OR13J1: variants seen among roughly 807,000 people sequenced by gnomAD.
OR13J1 encodes the protein olfactory receptor 13J1.
OR13J1 carries 6 observed loss-of-function variants against 6.4 expected under a neutral mutation model. The ratio of observed to expected loss-of-function variants is 0.93; its 90% confidence interval spans 0.51 to 1.84. The LOEUF is 1.84. Ranked by LOEUF, OR13J1 falls within the 40% of genes most tolerant of loss-of-function variation. The pLI, the probability that OR13J1 is intolerant of heterozygous loss-of-function variation, is 0.01. For missense variants in OR13J1, 382 were observed against 395.6 expected (o/e 0.97, Z 0.29); for synonymous variants, 175 against 182.4 (o/e 0.96, Z 0.33).
chr9:35,869,716 G>C lies in OR13J1; in HGVS notation c.686C>G (p.Pro229Arg), dbSNP rs756076483. 2.1e-5 allele frequency: 34 copies of C among 1,613,464 alleles called. No homozygotes were observed. In the East Asian group the frequency reaches 7.6e-4, roughly 36 times the overall value. ...GGCTTTGCAGCACCTGGCGGCCGAG[G>C]GCACCCTCAGGATGGTGGCCAGGAT... ...LLILATILRV[P>R]SAARCCKAFS... is the part of the protein sequence containing the mutation. The change falls in exon 1 of 1, where the codon CCC becomes CGC. Residue 229 changes from proline to arginine, a missense_variant. Pro to Arg is a moderately radical substitution (Grantham distance 103, BLOSUM62 -2). Transcript: ENST00000377981.
Position 35,869,827 on chromosome 9 carries a change from G to T in OR13J1, c.575C>A (p.Thr192Lys). ...LAVLKLACGN[T>K]SVSEDFLLAG... is the part of the protein sequence containing the mutation. ...CAGCAGGAAGTCTTCGCTGACCGAC[G>T]TGTTGCCGCATGCCAGCTTCAGCAC... The change falls in exon 1 of 1, where the codon ACG (threonine) becomes AAG (lysine). Residue 192 changes from threonine to lysine, a missense_variant. By Grantham distance (78) the Thr-to-Lys change is moderately conservative. Coordinates refer to ENST00000377981, the MANE Select transcript of OR13J1 (RefSeq NM_001004487.1). 1 of 1,614,072 alleles carries T rather than the reference G, an allele frequency of 6.2e-7. No individual in the cohort carries two copies. Among genetic ancestry groups the T allele is most frequent in the Non-Finnish European group, 8.5e-7 (1 of 1,180,036 alleles).
At position 35,869,857 on chromosome 9, in the gene OR13J1, A is replaced by G; in HGVS notation, c.545T>C (p.Leu182Pro). 6.2e-7 allele frequency: 1 copy of G among 1,614,196 alleles called. No individual in the cohort carries two copies. Among genetic ancestry groups the G allele is most frequent in the Non-Finnish European group, 8.5e-7 (1 of 1,180,042 alleles). Residue 182 changes from leucine (L) to proline (P), a missense_variant, in exon 1 of 1, where the codon CTG (leucine) becomes CCG (proline). Leu to Pro is a moderately conservative substitution (Grantham distance 98). Coordinates refer to ENST00000377981, the MANE Select transcript of OR13J1 (RefSeq NM_001004487.1). The stretch of plus-strand genomic sequence containing the variant: ...GCCGCATGCCAGCTTCAGCACTGCC[A>G]GGATCTTGCAGGTGAAGTGACTGAC... Reference protein sequence around the residue: ...HVVSHFTCKILAVLKLACGNT... With the variant: ...HVVSHFTCKIPAVLKLACGNT...
chr9:35,869,734 G>A lies in OR13J1; in HGVS notation c.668C>T (p.Ala223Val), dbSNP rs1157005429. 3.7e-6 allele frequency: 6 copies of A among 1,613,374 alleles called. No homozygotes were observed. Among genetic ancestry groups the A allele is most frequent in the Middle Eastern group, 1.6e-4 (1 of 6,062 alleles). Residue 223 changes from alanine (A) to valine (V), a missense_variant, in exon 1 of 1, where the codon GCC becomes GTC. Coordinates refer to ENST00000377981, the MANE Select transcript of OR13J1 (RefSeq NM_001004487.1). ...FICLSYLLIL[A>V]TILRVPSAAR... Reference sequence around the variant, plus strand: ...GGCCGAGGGCACCCTCAGGATGGTGGCCAGGATGAGCAAGTAGGACAGGCA... The same window carrying A: ...GGCCGAGGGCACCCTCAGGATGGTGACCAGGATGAGCAAGTAGGACAGGCA...
At position 35,869,878 on chromosome 9, in the gene OR13J1, C is replaced by T. The variant is rs770608355; in HGVS notation, c.524G>A (p.Ser175Asn). The change falls in exon 1 of 1, where the codon AGT (serine) becomes AAT (asparagine). Residue 175 changes from serine to asparagine, a missense_variant. Physicochemically the swap from Ser to Asn is conservative, Grantham distance 46 (BLOSUM62 1). Transcript: ENST00000377981. ...RLPFCGHHVVSHFTCKILAVL... is the reference protein window; with the variant it reads ...RLPFCGHHVVNHFTCKILAVL... ...TGCCAGGATCTTGCAGGTGAAGTGACTGACCACGTGGTGGCCACAGAAGGG... is the reference window on the plus strand; with the variant it reads ...TGCCAGGATCTTGCAGGTGAAGTGATTGACCACGTGGTGGCCACAGAAGGG... 6 of 1,614,190 alleles carry T rather than the reference C, an allele frequency of 3.7e-6. No homozygotes were observed. The highest frequency in any genetic ancestry group is 4.2e-6 in the Non-Finnish European group (5 of 1,180,038).
rs1224949208 is a variant in OR13J1 at position 35,870,319 on chromosome 9, A to T, written c.83T>A (p.Phe28Tyr). Residue 28 changes from phenylalanine to tyrosine, a missense_variant, in exon 1 of 1, where the codon TTC becomes TAC. By Grantham distance (22) the Phe-to-Tyr change is conservative (BLOSUM62 3). Coordinates refer to ENST00000377981, the MANE Select transcript of OR13J1 (RefSeq NM_001004487.1). ...SGYPALEHLL[F>Y]PLCSAMYLVT... ...CAGGTACATGGCTGAGCACAGAGGG[A>T]AGAGCAGATGCTCCAGGGCTGGGTA... The T allele has an allele frequency of 3.1e-6, 5 of 1,613,894 alleles. No individual in the cohort carries two copies. The highest frequency in any genetic ancestry group is 4.2e-6 in the Non-Finnish European group (5 of 1,179,778).
In OR13J1 at chr9:35,870,017, G is replaced by T; in HGVS notation, c.385C>A (p.Pro129Thr). 2 of 1,614,240 alleles carry T rather than the reference G, an allele frequency of 1.2e-6. No individual in the cohort carries two copies. Among genetic ancestry groups the T allele is most frequent in the Non-Finnish European group, 1.7e-6 (2 of 1,180,036 alleles). The change falls in exon 1 of 1, where the codon CCA (proline) becomes ACA (threonine). Residue 129 changes from proline (P) to threonine (T), a missense_variant. Pro to Thr is a conservative substitution (Grantham distance 38, BLOSUM62 -1). Transcript: ENST00000377981. ...CTCATGAGCACGTGGTACCTGAGTGGCTGGCAGATGGCCAGGTAGCGGTCA... is the reference window on the plus strand; with the variant it reads ...CTCATGAGCACGTGGTACCTGAGTGTCTGGCAGATGGCCAGGTAGCGGTCA... ...AYDRYLAICQ[P>T]LRYHVLMSHR... is the part of the protein sequence containing the mutation.
Position 35,869,969 on chromosome 9 carries a change from TCAG to T in OR13J1, c.430_432del (p.Leu144del). The T allele has an allele frequency of 6.2e-7, 1 of 1,614,168 alleles. No homozygotes were observed. Among genetic ancestry groups the T allele is most frequent in the Non-Finnish European group, 8.5e-7 (1 of 1,180,028 alleles). On this transcript the variant is annotated inframe_deletion, in exon 1 of 1. Coordinates refer to ENST00000377981, the MANE Select transcript of OR13J1 (RefSeq NM_001004487.1). The stretch of plus-strand genomic sequence containing the variant: ...AGGCAGAGGACCCAGGCAGCTCCCA[TCAG>T]CAGCACGCAGAGCCGGTGGCTCATG...
In OR13J1 at chr9:35,869,820, G is replaced by A. The variant is rs1219279230; in HGVS notation, c.582C>T (p.Val194=). The A allele has an allele frequency of 6.2e-7, 1 of 1,614,058 alleles. No individual in the cohort carries two copies. The highest frequency in any genetic ancestry group is 1.7e-5 in the Admixed American group (1 of 60,020). Reference sequence around the variant, plus strand: ...AGCCCGCCAGCAGGAAGTCTTCGCTGACCGACGTGTTGCCGCATGCCAGCT... The same window carrying A: ...AGCCCGCCAGCAGGAAGTCTTCGCTAACCGACGTGTTGCCGCATGCCAGCT... ...VLKLACGNTS[V]SEDFLLAGSI... is the part of the protein sequence containing the mutation. Residue 194 remains valine, a synonymous_variant, in exon 1 of 1, where the codon GTC becomes GTT. Coordinates refer to ENST00000377981, the MANE Select transcript of OR13J1 (RefSeq NM_001004487.1).
rs745655521 is a variant in OR13J1 at position 35,869,752 on chromosome 9, GACAGGCAGATGAATGCCAGGGGT to G, written c.627_649del (p.Pro210LeufsTer48). The G allele has an allele frequency of 2.5e-6, 4 of 1,613,644 alleles. No homozygotes were observed. Among genetic ancestry groups the G allele is most frequent in the Admixed American group, 3.3e-5 (2 of 60,012 alleles). ...GATGGTGGCCAGGATGAGCAAGTAG[GACAGGCAGATGAATGCCAGGGGT>G]ACAGGCAGCAGCAGGATGGAGCCCG... On this transcript the variant is annotated frameshift_variant, in exon 1 of 1. Transcript: ENST00000377981. LOFTEE classifies it high-confidence loss of function.
Position 35,869,528 on chromosome 9 carries a change from G to T in OR13J1, c.874C>A (p.Leu292Met). Reference sequence around the variant, plus strand: ...GCCTCCTTCACCTCCTTGTTCCTCAGGCTGTAGATGGTGGGGTTCAGCATG... The same window carrying T: ...GCCTCCTTCACCTCCTTGTTCCTCATGCTGTAGATGGTGGGGTTCAGCATG... ...TTMLNPTIYSLRNKEVKEAAR... is the reference protein window; with the variant it reads ...TTMLNPTIYSMRNKEVKEAAR... The change falls in exon 1 of 1, where the codon CTG becomes ATG. Residue 292 changes from leucine to methionine, a missense_variant. Leu to Met is a conservative substitution (Grantham distance 15). Coordinates refer to ENST00000377981, the MANE Select transcript of OR13J1 (RefSeq NM_001004487.1). 1 of 1,614,114 alleles carries T rather than the reference G, an allele frequency of 6.2e-7. No individual in the cohort carries two copies. Among genetic ancestry groups the T allele is most frequent in the South Asian group, 1.1e-5 (1 of 91,086 alleles).
rs749229415 is a variant in OR13J1 at position 35,869,947 on chromosome 9, CA to C, written c.454del (p.Cys152AlafsTer6). 2.4e-5 allele frequency: 38 copies of C among 1,614,118 alleles called. No homozygotes were observed. The highest frequency in any genetic ancestry group is 1.6e-4 in the Middle Eastern group (1 of 6,084). On this transcript the variant is annotated frameshift_variant, in exon 1 of 1. Coordinates refer to ENST00000377981, the MANE Select transcript of OR13J1 (RefSeq NM_001004487.1). LOFTEE classifies it high-confidence loss of function. The part of the protein sequence containing the change: ...VLLMGAAWVL[C>X]LLKSVTEMVI... Reference sequence around the variant, plus strand: ...CATCTCAGTCACCGACTTGAGGAGGCAGAGGACCCAGGCAGCTCCCATCAGC... The same window carrying C: ...CATCTCAGTCACCGACTTGAGGAGGCGAGGACCCAGGCAGCTCCCATCAGC...
In OR13J1 at chr9:35,870,048, C is replaced by G; in HGVS notation, c.354G>C (p.Thr118=). 6.2e-7 allele frequency: 1 copy of G among 1,614,196 alleles called. No homozygotes were observed. Among genetic ancestry groups the G allele is most frequent in the Non-Finnish European group, 8.5e-7 (1 of 1,180,036 alleles). The change falls in exon 1 of 1, where the codon ACG becomes ACC. Residue 118 remains threonine, a synonymous_variant. Transcript: ENST00000377981. Reference sequence around the variant, plus strand: ...AGATGGCCAGGTAGCGGTCATAGGCCGTGATGGCCAGTAGCAGGCACTCCG... The same window carrying G: ...AGATGGCCAGGTAGCGGTCATAGGCGGTGATGGCCAGTAGCAGGCACTCCG... ...GSTECLLLAI[T]AYDRYLAICQ...
At position 35,870,387 on chromosome 9, in the gene OR13J1, G is replaced by T. The variant is rs774888459; in HGVS notation, c.15C>A (p.Asn5Lys). 1 of 1,595,354 alleles carries T rather than the reference G, an allele frequency of 6.3e-7. No homozygotes were observed. The change falls in exon 1 of 1, where the codon AAC becomes AAA. Residue 5 changes from asparagine to lysine, a missense_variant. Asn to Lys is a moderately conservative substitution (Grantham distance 94). Coordinates refer to ENST00000377981, the MANE Select transcript of OR13J1 (RefSeq NM_001004487.1). ...GAAAGAACTCGGACACCTCTGTTCTGTTGAGCGGCTCCATGCTGCAGAGTT... is the reference window on the plus strand; with the variant it reads ...GAAAGAACTCGGACACCTCTGTTCTTTTGAGCGGCTCCATGCTGCAGAGTT... MEPL[N>K]RTEVSEFFLK...
Position 35,869,644 on chromosome 9 carries a change from C to T in OR13J1, c.758G>A (p.Gly253Asp), listed in dbSNP as rs1832772804. 1 of 1,613,954 alleles carries T rather than the reference C, an allele frequency of 6.2e-7. No homozygotes were observed. Among genetic ancestry groups the T allele is most frequent in the South Asian group, 1.1e-5 (1 of 91,078 alleles). The change falls in exon 1 of 1, where the codon GGC becomes GAC. Residue 253 changes from glycine (G) to aspartate (D), a missense_variant. Gly to Asp is a moderately conservative substitution (Grantham distance 94). Transcript: ENST00000377981. ...AHLAVVLLFY[G>D]TIIFMYLKPK... ...CTTCAAGTACATGAAGATGATGGTGCCGTAGAAAAGCAGCACTACAGCCAG... is the reference window on the plus strand; with the variant it reads ...CTTCAAGTACATGAAGATGATGGTGTCGTAGAAAAGCAGCACTACAGCCAG...
rs1408537575 is a variant in OR13J1 at position 35,869,882 on chromosome 9, C to T, written c.520G>A (p.Val174Ile). The change falls in exon 1 of 1, where the codon GTC (valine) becomes ATC (isoleucine). Residue 174 changes from valine (V) to isoleucine (I), a missense_variant. Val to Ile is a conservative substitution (Grantham distance 29, BLOSUM62 3). Transcript: ENST00000377981. Reference sequence around the variant, plus strand: ...AGGATCTTGCAGGTGAAGTGACTGACCACGTGGTGGCCACAGAAGGGCAGC... The same window carrying T: ...AGGATCTTGCAGGTGAAGTGACTGATCACGTGGTGGCCACAGAAGGGCAGC... The part of the protein sequence containing the change: ...MRLPFCGHHV[V>I]SHFTCKILAV... 16 of 1,614,066 alleles carry T rather than the reference C, an allele frequency of 9.9e-6. No individual in the cohort carries two copies. Among genetic ancestry groups the T allele is most frequent in the Non-Finnish European group, 1.4e-5 (16 of 1,180,040 alleles).
rs771793851 is a variant in OR13J1, at chr9:35,869,886, G to C, written c.516C>G (p.His172Gln). 1 of 1,614,206 alleles carries C rather than the reference G, an allele frequency of 6.2e-7. No homozygotes were observed. Among genetic ancestry groups the C allele is most frequent in the Non-Finnish European group, 8.5e-7 (1 of 1,180,040 alleles). ...ISMRLPFCGH[H>Q]VVSHFTCKIL... ...TCTTGCAGGTGAAGTGACTGACCACGTGGTGGCCACAGAAGGGCAGCCTCA... is the reference window on the plus strand; with the variant it reads ...TCTTGCAGGTGAAGTGACTGACCACCTGGTGGCCACAGAAGGGCAGCCTCA... Residue 172 changes from histidine (H) to glutamine (Q), a missense_variant, in exon 1 of 1, where the codon CAC (histidine) becomes CAG (glutamine). His to Gln is a conservative substitution (Grantham distance 24, BLOSUM62 0). Coordinates refer to ENST00000377981, the MANE Select transcript of OR13J1 (RefSeq NM_001004487.1).
chr9:35,869,999 G>T lies in OR13J1; in HGVS notation c.403C>A (p.Leu135Ile). The T allele has an allele frequency of 6.2e-7, 1 of 1,614,238 alleles. No homozygotes were observed. The highest frequency in any genetic ancestry group is 8.5e-7 in the Non-Finnish European group (1 of 1,180,030). The part of the protein sequence containing the change: ...AICQPLRYHV[L>I]MSHRLCVLLM... ...AGCACGCAGAGCCGGTGGCTCATGA[G>T]CACGTGGTACCTGAGTGGCTGGCAG... is the stretch of plus-strand genomic sequence containing the variant. Residue 135 changes from leucine to isoleucine, a missense_variant, in exon 1 of 1, where the codon CTC becomes ATC. Physicochemically the swap from Leu to Ile is conservative, Grantham distance 5. Transcript: ENST00000377981.
rs756020045 is a variant in OR13J1, at chr9:35,869,801, C to A, written c.601G>T (p.Ala201Ser). ...NTSVSEDFLL[A>S]GSILLLPVPL... ...ACAGGCAGCAGCAGGATGGAGCCCG[C>A]CAGCAGGAAGTCTTCGCTGACCGAC... The change falls in exon 1 of 1, where the codon GCG becomes TCG. Residue 201 changes from alanine to serine, a missense_variant. Transcript: ENST00000377981. 1 of 1,614,022 alleles carries A rather than the reference C, an allele frequency of 6.2e-7. No individual in the cohort carries two copies. The highest frequency in any genetic ancestry group is 1.3e-5 in the African/African-American group (1 of 75,042).
rs749283534 is a variant in OR13J1, at chr9:35,870,137, G to A, written c.265C>T (p.Arg89Trp). The A allele has an allele frequency of 6.8e-6, 11 of 1,614,216 alleles. No homozygotes were observed. The highest frequency in any genetic ancestry group is 5.5e-5 in the South Asian group (5 of 91,086). The part of the protein sequence containing the change: ...PLMLVHLLSS[R>W]KTISFAVCAI... Reference sequence around the variant, plus strand: ...CAGACAGCAAAGGAGATGGTCTTCCGGGATGACAGGAGGTGGACCAGCATC... The same window carrying A: ...CAGACAGCAAAGGAGATGGTCTTCCAGGATGACAGGAGGTGGACCAGCATC... Residue 89 changes from arginine to tryptophan, a missense_variant, in exon 1 of 1, where the codon CGG becomes TGG. Coordinates refer to ENST00000377981, the MANE Select transcript of OR13J1 (RefSeq NM_001004487.1).
Sources: allele counts gnomAD v4.1 joint callset, GRCh38; gene constraint gnomAD v4.1.1; transcripts MANE v1.5; gene names NCBI Gene and HGNC (gene_info 2026-07-23, HGNC 2026-07-21).